The following SHISA9 variants were observed in gnomAD, a reference collection of about 807,000 sequenced individuals.
SHISA9 encodes shisa family member 9, also known as protein shisa-9.
Under a neutral mutation model 38.0 loss-of-function variants are expected in SHISA9, and 13 were observed. The observed-to-expected ratio is 0.34, with a 90% confidence interval of 0.22 to 0.54. SHISA9 has a LOEUF of 0.54. SHISA9 is among the 20% of genes least tolerant of loss of function. SHISA9 has a pLI of 0.91. For missense variants in SHISA9, 538 were observed against 575.8 expected (o/e 0.93, Z 0.67); for synonymous variants, 275 against 242.0 (o/e 1.14, Z -1.27).
At chr16:13,059,119 A>G (rs1180295120) in intron 2 of SHISA9, among the ~76,000 whole-genome samples, 1 of 115,834 alleles carries the variant, frequency 8.6e-6, no homozygotes, top group Non-Finnish European at 1.7e-5. Context: ...TAAAAACTCT[A>G]TCTTTTTTTT....
At chr16:13,485,013 C>T in the SHISA9 span, among the ~76,000 whole-genome samples, 1 of 151,052 alleles carries the variant, frequency 6.6e-6, no homozygotes, top group Non-Finnish European at 1.5e-5. Context: ...GCAGTAACAA[C>T]ACTAAGCCTC....
At chr16:13,398,099 A>T in the SHISA9 span, among the ~76,000 whole-genome samples, 1 of 152,094 alleles carries the variant, frequency 6.6e-6, no homozygotes, top group Non-Finnish European at 1.5e-5. Flanking sequence ...GTGTTCCCCT[A>T]GACTAGTCCA....
At chr16:13,246,624 C>T in the SHISA9 span, among the ~76,000 whole-genome samples, 1 of 152,270 alleles carries the variant, frequency 6.6e-6, no homozygotes, top group Admixed American at 6.5e-5. Flanking sequence ...TCTCTTCTTG[C>T]TGGGGCTCTG....
chr16:13,126,645 GGT>G (rs1393106550), intron 2 of SHISA9, among the ~76,000 whole-genome samples: 1 of 144,240 alleles, frequency 6.9e-6, no homozygotes, highest in African/African-American at 2.7e-5. Flanking sequence ...GAGAGAGAGA[GGT>G]GGAGAGAGAG....
chr16:13,515,240 A>G, the SHISA9 span, among the ~76,000 whole-genome samples: 3 of 152,138 alleles, frequency 2.0e-5, no homozygotes, highest in East Asian at 1.9e-4. Flanking sequence ...AACTTTCCAG[A>G]CATACAAAAT....
intron 2 of SHISA9, among the ~76,000 whole-genome samples, chr16:12,934,622 A>C (rs1454261968): frequency 1.3e-5 from 2 of 152,194 alleles, no homozygotes; most frequent in Non-Finnish European, 2.9e-5. Flanking sequence ...TTATGTCTCA[A>C]GGCAATACAT....
the SHISA9 span, among the ~76,000 whole-genome samples, chr16:13,267,879 T>G: frequency 3.1e-4 from 47 of 151,098 alleles, no homozygotes; most frequent in African/African-American, 1.1e-3. Flanking sequence ...TCTCAGGTTT[T>G]TTTTTTTTTT....
At chr16:13,283,660 G>T in the SHISA9 span, among the ~76,000 whole-genome samples, 1 of 151,942 alleles carries the variant, frequency 6.6e-6, no homozygotes, top group Non-Finnish European at 1.5e-5. Context: ...TCCCACAACA[G>T]GTGGGAGTTA....
chr16:13,423,251 CTACT>C, the SHISA9 span, among the ~76,000 whole-genome samples: 1 of 152,194 alleles, frequency 6.6e-6, no homozygotes, highest in Non-Finnish European at 1.5e-5. Flanking sequence ...CAGAAATTGT[CTACT>C]TACTTTGTAG....
At chr16:12,913,914 C>T (rs1043417389) in intron 1 of SHISA9, among the ~76,000 whole-genome samples, 14 of 152,158 alleles carry the variant, frequency 9.2e-5, no homozygotes, top group Admixed American at 2.6e-4. Flanking sequence ...CATCAGCTGA[C>T]GGCCATTCAG....
chr16:13,214,851 C>G (rs2051152351), intron 4 of SHISA9, among the ~76,000 whole-genome samples: 1 of 152,164 alleles, frequency 6.6e-6, no homozygotes, highest in African/African-American at 2.4e-5. Flanking sequence ...TCAATCATCT[C>G]CCACCGGGTT....
intron 2 of SHISA9, among the ~76,000 whole-genome samples, chr16:13,160,156 T>A (rs1237057909): frequency 6.6e-6 from 1 of 151,654 alleles, no homozygotes; most frequent in Admixed American, 6.6e-5. Context: ...GGGAAGAGAG[T>A]TCCAGGTGGA....
At chr16:13,281,999 A>G in the SHISA9 span, among the ~76,000 whole-genome samples, 15 of 151,866 alleles carry the variant, frequency 9.9e-5, no homozygotes, top group African/African-American at 3.1e-4. Flanking sequence ...GTGCTAAGAG[A>G]TGTTAACTTA....
At chr16:13,413,508 C>T in the SHISA9 span, among the ~76,000 whole-genome samples, 1 of 152,078 alleles carries the variant, frequency 6.6e-6, no homozygotes, top group Admixed American at 6.6e-5. Flanking sequence ...GCAATCCCAA[C>T]ACTTTGGGAG....
chr16:13,263,685 C>T, the SHISA9 span, among the ~76,000 whole-genome samples: 1 of 152,172 alleles, frequency 6.6e-6, no homozygotes, highest in Non-Finnish European at 1.5e-5. Context: ...CAGACTAATA[C>T]AGTCAGGGAC....
the SHISA9 span, among the ~76,000 whole-genome samples, chr16:13,383,333 C>G: frequency 6.6e-6 from 1 of 152,044 alleles, no homozygotes; most frequent in Non-Finnish European, 1.5e-5. Flanking sequence ...GTGTAAAATA[C>G]AAGATAATAA....
intron 2 of SHISA9, among the ~76,000 whole-genome samples, chr16:13,057,344 T>A (rs2073322665): frequency 6.6e-6 from 1 of 152,084 alleles, no homozygotes. Flanking sequence ...TAGAAGGGAA[T>A]GTTTTCAAAG....
chr16:13,336,607 T>C, the SHISA9 span, among the ~76,000 whole-genome samples: 1 of 152,190 alleles, frequency 6.6e-6, no homozygotes, highest in East Asian at 1.9e-4. Flanking sequence ...ATTTGAAAGA[T>C]GAGAAATGTG....
At chr16:13,469,516 C>A in the SHISA9 span, among the ~76,000 whole-genome samples, 1 of 152,088 alleles carries the variant, frequency 6.6e-6, no homozygotes, top group Admixed American at 6.5e-5. Flanking sequence ...TGAGCCTCGA[C>A]CTGTGCAGAT....
Sources: allele counts gnomAD v4.1 joint callset (sites outside exome capture counted in the v4.1 genomes callset), GRCh38; gene constraint gnomAD v4.1.1; transcripts MANE v1.5; gene names NCBI Gene and HGNC (gene_info 2026-07-23, HGNC 2026-07-21).